AGPAT4: variants seen among roughly 807,000 people sequenced by gnomAD.
AGPAT4 encodes 1-acyl-sn-glycerol-3-phosphate acyltransferase delta.
AGPAT4 carries 15 observed loss-of-function variants against 48.0 expected under a neutral mutation model. That is an observed-to-expected ratio of 0.31 (90% CI 0.21 to 0.48). AGPAT4 has a LOEUF of 0.48. Among genes scored for constraint, AGPAT4 ranks in the 20% least tolerant of loss-of-function variants. The pLI is 0.99. For missense variants in AGPAT4, 314 were observed against 482.5 expected (o/e 0.65, Z 3.27); for synonymous variants, 178 against 198.7 (o/e 0.90, Z 0.88).
chr6:161,153,291 G>T, intron 5 of AGPAT4, 55 bp downstream of exon 5: 1 of 1,556,662 alleles, frequency 6.4e-7, no homozygotes. Context: ...TCCGGAGCTG[G>T]GGCTTGTCTT....
chr6:161,230,108 T>C (rs1782084873), intron 2 of AGPAT4, among the ~76,000 whole-genome samples: 1 of 152,194 alleles, frequency 6.6e-6, no homozygotes, highest in Admixed American at 6.5e-5. Flanking sequence ...CATCTTAATT[T>C]CCACCAGAAA....
intron 8 of AGPAT4, 33 bp from the exon 9 acceptor site, chr6:161,136,667 G>C (rs758907269): frequency 3.8e-6 from 6 of 1,589,448 alleles, no homozygotes; most frequent in Non-Finnish European, 5.2e-6. Context: ...GTTAGGAGTA[G>C]CCCAAACAGA....
intron 1 of AGPAT4, among the ~76,000 whole-genome samples, chr6:161,273,517 A>G (rs1339623151): frequency 6.6e-6 from 1 of 152,206 alleles, no homozygotes; most frequent in African/African-American, 2.4e-5. Context: ...GCGACGGAAG[A>G]ACATGTTGCA....
chr6:161,257,447 G>T (rs1015726238), intron 1 of AGPAT4, among the ~76,000 whole-genome samples: 16 of 152,164 alleles, frequency 1.1e-4, no homozygotes, highest in African/African-American at 3.9e-4. Flanking sequence ...GATCCTGTGG[G>T]CATGAGGAGA....
rs922876853 is a variant in AGPAT4, at chr6:161,148,150, A to C, written c.767+1037T>G. ...AGCTGTCAGAGAACATGGGGAATAAAACCTCACTTTACTCCTAGGAGAAGG... is the reference window on the plus strand; with the variant it reads ...AGCTGTCAGAGAACATGGGGAATAACACCTCACTTTACTCCTAGGAGAAGG... On this transcript the variant is annotated intron_variant, in intron 6 of 8. Coordinates refer to ENST00000320285, the MANE Select transcript of AGPAT4 (RefSeq NM_020133.3). This position sits in a 1 kb window ranked among gnomAD's most constrained non-coding sequence, Gnocchi z 5.5. Among the ~76,000 whole-genome samples, 10 of 152,188 alleles carry C rather than the reference A, an allele frequency of 6.6e-5. No individual in the cohort carries two copies. The highest frequency in any genetic ancestry group is 2.2e-4 in the African/African-American group (9 of 41,446).
rs1255609796 is a variant in AGPAT4, at chr6:161,204,891, GA to G, written c.178+27144del. On this transcript the variant is annotated intron_variant, in intron 2 of 8. Transcript: ENST00000320285. The surrounding 1 kb of genome is among the most constrained non-coding windows in gnomAD (Gnocchi z 4.4). ...TAAGAAGAATTTCAATTGTGGTTAA[GA>G]AAAAAGAGTCACCTCCAAATTAGAA... Among the ~76,000 whole-genome samples, 3 of 152,118 alleles carry G rather than the reference GA, an allele frequency of 2.0e-5. No individual in the cohort carries two copies. The highest frequency in any genetic ancestry group is 4.4e-5 in the Non-Finnish European group (3 of 68,010).
rs1780701545 is a variant in AGPAT4 at position 161,184,321 on chromosome 6, A to G, written c.179-17904T>C. Among the ~76,000 whole-genome samples the G allele has an allele frequency of 6.6e-6, 1 of 152,074 alleles. No individual in the cohort carries two copies. Among genetic ancestry groups the G allele is most frequent in the African/African-American group, 2.4e-5 (1 of 41,406 alleles). On this transcript the variant is annotated intron_variant, in intron 2 of 8. Transcript: ENST00000320285. This position sits in a 1 kb window ranked among gnomAD's most constrained non-coding sequence, Gnocchi z 4.8. ...GCCAGTGGAACTTGCTGTTGGGTTC[A>G]ACGTGGTGTAAGAGACAGAGGAGAA...
At chr6:161,252,653 T>C (rs997742744) in intron 1 of AGPAT4, among the ~76,000 whole-genome samples, 5 of 151,996 alleles carry the variant, frequency 3.3e-5, no homozygotes, top group African/African-American at 7.2e-5. Context: ...TGACAAAAAA[T>C]ACAAAAATAA....
At chr6:161,183,719 G>T (rs1284125855) in intron 2 of AGPAT4, among the ~76,000 whole-genome samples, 21 of 95,220 alleles carry the variant, frequency 2.2e-4, no homozygotes, top group Non-Finnish European at 3.6e-4. Flanking sequence ...GAGGAGAGGA[G>T]ATGGGAGAAG....
At position 161,245,527 on chromosome 6, in the gene AGPAT4, T is replaced by C. The variant is rs1782623643; in HGVS notation, c.-89-13225A>G. Among the ~76,000 whole-genome samples the C allele has an allele frequency of 6.6e-6, 1 of 152,116 alleles. No homozygotes were observed. Among genetic ancestry groups the C allele is most frequent in the Non-Finnish European group, 1.5e-5 (1 of 68,020 alleles). ...AGCTCAGAGGAAGCACTCTGCTGCC[T>C]CTATAGTGGCCACAGGAGCTTACTT... On this transcript the variant is annotated intron_variant, in intron 1 of 8. Transcript: ENST00000320285. The surrounding 1 kb of genome is among the most constrained non-coding windows in gnomAD (Gnocchi z 5.2).
At chr6:161,192,197 C>A (rs1045501627) in intron 2 of AGPAT4, among the ~76,000 whole-genome samples, 1 of 120,900 alleles carries the variant, frequency 8.3e-6, no homozygotes, top group African/African-American at 3.3e-5. Flanking sequence ...GTTGCCCAGG[C>A]TGGAGTGCAG....
rs1410169972 is a variant in AGPAT4 at position 161,266,129 on chromosome 6, C to T, written c.-90+7809G>A. Among the ~76,000 whole-genome samples, 1 of 152,144 alleles carries T rather than the reference C, an allele frequency of 6.6e-6. No individual in the cohort carries two copies. Among genetic ancestry groups the T allele is most frequent in the Non-Finnish European group, 1.5e-5 (1 of 68,038 alleles). On this transcript the variant is annotated intron_variant, in intron 1 of 8. Transcript: ENST00000320285. The surrounding 1 kb of genome is among the most constrained non-coding windows in gnomAD (Gnocchi z 6.2). The stretch of plus-strand genomic sequence containing the variant: ...GTCACAAGTAGGAGTGGGGTGACTA[C>T]TCCTGGCATGTAACAGTTAGAGGCC...
At chr6:161,260,655 C>CAA (rs377444402) in intron 1 of AGPAT4, among the ~76,000 whole-genome samples, 3,212 of 45,636 alleles carry the variant, frequency 0.07, 632 homozygotes, top group Non-Finnish European at 0.11. Context: ...GACTACGTCT[C>CAA]AAAAAAAAAA....
Position 161,264,317 on chromosome 6 carries a change from C to T in AGPAT4, c.-90+9621G>A, listed in dbSNP as rs1010025963. On this transcript the variant is annotated intron_variant, in intron 1 of 8. Coordinates refer to ENST00000320285, the MANE Select transcript of AGPAT4 (RefSeq NM_020133.3). The surrounding 1 kb of genome is among the most constrained non-coding windows in gnomAD (Gnocchi z 6.8). The stretch of plus-strand genomic sequence containing the variant: ...GAGCTGCAGGATGCTCAGCCTCTCT[C>T]TGCTTCCTGCCACGCCAGCCCACCT... Among the ~76,000 whole-genome samples the T allele has an allele frequency of 2.0e-5, 3 of 152,146 alleles. No individual in the cohort carries two copies. Among genetic ancestry groups the T allele is most frequent in the Non-Finnish European group, 4.4e-5 (3 of 68,028 alleles).
In AGPAT4 at chr6:161,139,752, G is replaced by A; in HGVS notation, c.844-132C>T. 1 of 728,562 alleles carries A rather than the reference G, an allele frequency of 1.4e-6. No individual in the cohort carries two copies. 45.1% of individuals were successfully genotyped at this position (728,562 alleles called of 1,614,324 possible). On this transcript the variant is annotated intron_variant, in intron 7 of 8. Transcript: ENST00000320285. The surrounding 1 kb of genome is among the most constrained non-coding windows in gnomAD (Gnocchi z 9.1). Reference sequence around the variant, plus strand: ...GGGCTCGGCAGAACTGGGGTCTGCAGCTCCTTCCAGAAAGCACTTTGTAGG... The same window carrying A: ...GGGCTCGGCAGAACTGGGGTCTGCAACTCCTTCCAGAAAGCACTTTGTAGG...
rs1212482217 is a variant in AGPAT4, at chr6:161,215,904, A to T, written c.178+16132T>A. The stretch of plus-strand genomic sequence containing the variant: ...GAGTAGAGCAGACATAGTCAAGTTT[A>T]TCTATGCCGGCAAGCAAAACTCTTC... On this transcript the variant is annotated intron_variant, in intron 2 of 8. Coordinates refer to ENST00000320285, the MANE Select transcript of AGPAT4 (RefSeq NM_020133.3). This position sits in a 1 kb window ranked among gnomAD's most constrained non-coding sequence, Gnocchi z 4.5. Among the ~76,000 whole-genome samples, 1 of 152,198 alleles carries T rather than the reference A, an allele frequency of 6.6e-6. No individual in the cohort carries two copies. Among genetic ancestry groups the T allele is most frequent in the East Asian group, 1.9e-4 (1 of 5,192 alleles).
At chr6:161,172,152 G>C (rs1257861979) in intron 2 of AGPAT4, among the ~76,000 whole-genome samples, 1 of 152,152 alleles carries the variant, frequency 6.6e-6, no homozygotes, top group Non-Finnish European at 1.5e-5. Flanking sequence ...AGGAGAAGAG[G>C]AAAGAGGGAA....
Position 161,225,600 on chromosome 6 carries a change from T to C in AGPAT4, c.178+6436A>G, listed in dbSNP as rs1781956627. Among the ~76,000 whole-genome samples the C allele has an allele frequency of 6.6e-6, 1 of 152,154 alleles. No individual in the cohort carries two copies. The highest frequency in any genetic ancestry group is 2.4e-5 in the African/African-American group (1 of 41,446). ...AGAAGGAAGGTTGCTTTTCGTCAGT[T>C]TCTGGAAGCAACCCCGCTAGCCCAT... On this transcript the variant is annotated intron_variant, in intron 2 of 8. Transcript: ENST00000320285. The surrounding 1 kb of genome is among the most constrained non-coding windows in gnomAD (Gnocchi z 5.0).
At position 161,149,851 on chromosome 6, in the gene AGPAT4, T is replaced by G. The variant is rs986418239; in HGVS notation, c.665-562A>C. On this transcript the variant is annotated intron_variant, in intron 5 of 8. Transcript: ENST00000320285. The surrounding 1 kb of genome is among the most constrained non-coding windows in gnomAD (Gnocchi z 6.5). ...GCCACTGTGCCCAGCCCAGATCACTTTTAAAGCAATACTGCAAAGTCAGGT... is the reference window on the plus strand; with the variant it reads ...GCCACTGTGCCCAGCCCAGATCACTGTTAAAGCAATACTGCAAAGTCAGGT... Among the ~76,000 whole-genome samples, 6 of 152,178 alleles carry G rather than the reference T, an allele frequency of 3.9e-5. No individual in the cohort carries two copies. The highest frequency in any genetic ancestry group is 8.8e-5 in the Non-Finnish European group (6 of 68,036).
Sources: allele counts gnomAD v4.1 joint callset (sites outside exome capture counted in the v4.1 genomes callset), GRCh38; gene constraint gnomAD v4.1.1; non-coding constraint Gnocchi (gnomAD v3.1); transcripts MANE v1.5; gene names NCBI Gene and HGNC (gene_info 2026-07-23, HGNC 2026-07-21).